The following SNTG1 variants were observed in gnomAD, a reference collection of about 807,000 sequenced individuals.
The protein encoded by SNTG1 is syntrophin gamma 1.
In SNTG1, 39 loss-of-function variants were observed where a neutral mutation model predicts 74.7. That is an observed-to-expected ratio of 0.52 (90% CI 0.40 to 0.68). SNTG1 has a LOEUF of 0.68. Among genes scored for constraint, SNTG1 ranks in the 30% least tolerant of loss-of-function variants. The pLI is 0.00. For missense variants in SNTG1, 685 were observed against 609.5 expected (o/e 1.12, Z -1.30); for synonymous variants, 254 against 217.1 (o/e 1.17, Z -1.49).
At chr8:50,729,051 G>C (rs1034849974) in intron 17 of SNTG1, among the ~76,000 whole-genome samples, 1 of 152,108 alleles carries the variant, frequency 6.6e-6, no homozygotes, top group Non-Finnish European at 1.5e-5. Flanking sequence ...GCAAATCTTC[G>C]CCTTTTGTTC....
At chr8:49,992,724 T>C (rs1813808807) in intron 1 of SNTG1, among the ~76,000 whole-genome samples, 1 of 152,198 alleles carries the variant, frequency 6.6e-6, no homozygotes, top group African/African-American at 2.4e-5. Context: ...TTGCCATCGC[T>C]GTATGGGTGG....
chr8:50,586,166 C>G (rs1360763370), intron 12 of SNTG1, among the ~76,000 whole-genome samples: 1 of 152,142 alleles, frequency 6.6e-6, no homozygotes, highest in East Asian at 1.9e-4. Flanking sequence ...GACATCTTTG[C>G]TCAGCATTCT....
chr8:50,739,114 G>A lies in SNTG1; in HGVS notation c.1285-12887G>A, dbSNP rs1271042462. ...TGCACAGCGAAAGAGACTATCATCA[G>A]GATGAACAGGCCATCTACACAATGG... On this transcript the variant is annotated intron_variant, in intron 17 of 18. Coordinates refer to ENST00000642720, the MANE Select transcript of SNTG1 (RefSeq NM_018967.5). Among the ~76,000 whole-genome samples, 4 of 151,908 alleles carry A rather than the reference G, an allele frequency of 2.6e-5. No homozygotes were observed. In the South Asian group the frequency reaches 8.3e-4, roughly 32 times the overall value.
intron 18 of SNTG1, among the ~76,000 whole-genome samples, chr8:50,776,255 C>CGG (rs965018307): frequency 2.0e-5 from 3 of 150,706 alleles, no homozygotes; most frequent in African/African-American, 7.2e-5. Flanking sequence ...CATACTTCAA[C>CGG]ATATACTGTT....
chr8:50,150,013 T>C (rs944586223), intron 1 of SNTG1, among the ~76,000 whole-genome samples: 2 of 152,194 alleles, frequency 1.3e-5, no homozygotes, highest in Non-Finnish European at 2.9e-5. Context: ...ATATTGATTT[T>C]TCCTATCCAT....
intron 1 of SNTG1, among the ~76,000 whole-genome samples, chr8:49,983,266 G>T (rs971978997): frequency 6.6e-6 from 1 of 152,122 alleles, no homozygotes; most frequent in African/African-American, 2.4e-5. Context: ...TGTAAACAGC[G>T]AGTTGTCTAT....
At chr8:50,352,949 C>T (rs533748016) in intron 2 of SNTG1, among the ~76,000 whole-genome samples, 1 of 152,046 alleles carries the variant, frequency 6.6e-6, no homozygotes, top group Non-Finnish European at 1.5e-5. Flanking sequence ...TAGAGACACA[C>T]ACACACGTAT....
At chr8:50,600,913 T>C (rs1229791629) in intron 13 of SNTG1, among the ~76,000 whole-genome samples, 2 of 151,846 alleles carry the variant, frequency 1.3e-5, no homozygotes, top group African/African-American at 4.8e-5. Flanking sequence ...CTCACTCCTG[T>C]AATCCTAGGA....
chr8:50,119,615 T>C (rs1357816970), intron 1 of SNTG1, among the ~76,000 whole-genome samples: 1 of 142,032 alleles, frequency 7.0e-6, no homozygotes, highest in Non-Finnish European at 1.6e-5. Context: ...TTTTACATTA[T>C]TATGAAAATT....
chr8:50,426,791 A>G (rs1305327858), intron 4 of SNTG1, among the ~76,000 whole-genome samples: 2 of 152,136 alleles, frequency 1.3e-5, no homozygotes, highest in African/African-American at 4.8e-5. Flanking sequence ...TTCTTGTAAA[A>G]TGAAAAATAT....
intron 2 of SNTG1, chr8:50,286,489 G>T: frequency 6.6e-6 from 1 of 152,082 alleles, no homozygotes; most frequent in Non-Finnish European, 1.5e-5. Flanking sequence ...TATCCAAATG[G>T]GGAAACATAA....
At position 50,377,870 on chromosome 8, in the gene SNTG1, A is replaced by G. The variant is rs189072189; in HGVS notation, c.-27-16342A>G. Among the ~76,000 whole-genome samples, 1,094 of 152,364 alleles carry G rather than the reference A, an allele frequency of 7.2e-3. 12 individuals are homozygous for G. The highest frequency in any genetic ancestry group is 0.012 in the Non-Finnish European group (813 of 68,026). Reference sequence around the variant, plus strand: ...GAACAGAAAATTTCAAAACTTCATGACAACTTTGTGAAAAAGCAGAGTAGG... The same window carrying G: ...GAACAGAAAATTTCAAAACTTCATGGCAACTTTGTGAAAAAGCAGAGTAGG... On this transcript the variant is annotated intron_variant, in intron 2 of 18. Coordinates refer to ENST00000642720, the MANE Select transcript of SNTG1 (RefSeq NM_018967.5).
At chr8:50,522,428 G>A (rs2094186961) in intron 9 of SNTG1, among the ~76,000 whole-genome samples, 1 of 152,060 alleles carries the variant, frequency 6.6e-6, no homozygotes, top group South Asian at 2.1e-4. Context: ...TAGAGCACAG[G>A]CAGAGTAGAT....
intron 1 of SNTG1, among the ~76,000 whole-genome samples, chr8:50,087,624 G>A (rs749838953): frequency 6.6e-6 from 1 of 151,952 alleles, no homozygotes; most frequent in Non-Finnish European, 1.5e-5. Flanking sequence ...CTGTGTGTAT[G>A]CTTAATCAAA....
chr8:49,967,433 A>G (rs1811245765), intron 1 of SNTG1, among the ~76,000 whole-genome samples: 2 of 152,150 alleles, frequency 1.3e-5, no homozygotes, highest in Non-Finnish European at 2.9e-5. Context: ...TGTATTGTTT[A>G]CTTTCTGCTT....
At chr8:50,162,441 A>T (rs2082451511) in intron 1 of SNTG1, among the ~76,000 whole-genome samples, 1 of 151,580 alleles carries the variant, frequency 6.6e-6, no homozygotes, top group African/African-American at 2.4e-5. Context: ...GGGTGCCTGT[A>T]GTCCCGGCTA....
At chr8:50,093,083 A>T (rs1447278933) in intron 1 of SNTG1, among the ~76,000 whole-genome samples, 2 of 152,132 alleles carry the variant, frequency 1.3e-5, no homozygotes, top group African/African-American at 2.4e-5. Flanking sequence ...GTTGTGGAGC[A>T]CATATACCCA....
At chr8:50,209,419 C>T (rs1437361759) in intron 2 of SNTG1, among the ~76,000 whole-genome samples, 2 of 152,178 alleles carry the variant, frequency 1.3e-5, no homozygotes, top group Non-Finnish European at 2.9e-5. Flanking sequence ...GACAGACTGC[C>T]TCCTCAAGTG....
At chr8:50,415,747 C>A (rs117701649) in intron 4 of SNTG1, among the ~76,000 whole-genome samples, 1 of 151,948 alleles carries the variant, frequency 6.6e-6, no homozygotes, top group Non-Finnish European at 1.5e-5. Flanking sequence ...TATGTGGAAA[C>A]GGTAAGATAG....
Sources: allele counts gnomAD v4.1 joint callset (sites outside exome capture counted in the v4.1 genomes callset), GRCh38; gene constraint gnomAD v4.1.1; transcripts MANE v1.5; gene names NCBI Gene and HGNC (gene_info 2026-07-23, HGNC 2026-07-21).